KCNH7: variants seen among roughly 807,000 people sequenced by gnomAD.
The protein encoded by KCNH7 is potassium voltage-gated channel subfamily H member 7.
Under a neutral mutation model 120.8 loss-of-function variants are expected in KCNH7, and 49 were observed. That is an observed-to-expected ratio of 0.41 (90% CI 0.32 to 0.51). KCNH7 has a LOEUF of 0.51. Among genes scored for constraint, KCNH7 ranks in the 20% least tolerant of loss-of-function variants. KCNH7 has a pLI of 0.38. For missense variants in KCNH7, 1,097 were observed against 1,446.6 expected (o/e 0.76, Z 3.92); for synonymous variants, 547 against 516.1 (o/e 1.06, Z -0.81).
chr2:162,474,660 A>G (rs1318455071), intron 6 of KCNH7, among the ~76,000 whole-genome samples: 23 of 152,240 alleles, frequency 1.5e-4, no homozygotes, highest in Non-Finnish European at 1.5e-5. Flanking sequence ...GTGCACTCTC[A>G]TACTCTCTCT....
At chr2:162,486,114 A>G (rs7582047) in intron 6 of KCNH7, among the ~76,000 whole-genome samples, 11,458 of 152,238 alleles carry the variant, frequency 0.075, 1,394 homozygotes, top group African/African-American at 0.26. Context: ...TGGATGAGCA[A>G]GAGAAAAGAG....
rs189670006 is a variant in KCNH7, at chr2:162,526,217, T to C, written c.464-8059A>G. ...TAGGGTGTGGGTCACAGAGATCACA[T>C]GCTTCACAAGGTAATAAGATATCAC... On this transcript the variant is annotated intron_variant, in intron 3 of 15. Coordinates refer to ENST00000332142, the MANE Select transcript of KCNH7 (RefSeq NM_033272.4). Among the ~76,000 whole-genome samples the C allele has an allele frequency of 3.1e-4, 47 of 151,976 alleles. No individual in the cohort carries two copies. The East Asian group carries it at 6.1e-3, about 20-fold the overall frequency.
At chr2:162,773,270 T>A (rs978873485) in intron 2 of KCNH7, among the ~76,000 whole-genome samples, 23 of 152,072 alleles carry the variant, frequency 1.5e-4, no homozygotes, top group African/African-American at 5.1e-4. Context: ...GGCTGATAAC[T>A]TGAGGCCAAG....
Position 162,518,046 on chromosome 2 carries a change from A to T in KCNH7, c.576T>A (p.Asp192Glu), listed in dbSNP as rs755741131. ...TAAAATGCTTCATGGCTACTGAATCATCACTGTGTTTAGATGAATCGATGA... is the reference window on the plus strand; with the variant it reads ...TAAAATGCTTCATGGCTACTGAATCTTCACTGTGTTTAGATGAATCGATGA... ...VVVIDSSKHSDDSVAMKHFKS... is the reference protein window; with the variant it reads ...VVVIDSSKHSEDSVAMKHFKS... The change falls in exon 4 of 16, where the codon GAT becomes GAA. Residue 192 changes from aspartate (D) to glutamate (E), a missense_variant. Asp to Glu is a conservative substitution (Grantham distance 45). Around this residue, in one of 8 missense-constraint regions of KCNH7, gnomAD observed 362 missense variants for 372.2 expected, o/e 0.97. Transcript: ENST00000332142. The T allele has an allele frequency of 6.2e-7, 1 of 1,612,552 alleles. No homozygotes were observed. Among genetic ancestry groups the T allele is most frequent in the Non-Finnish European group, 8.5e-7 (1 of 1,178,962 alleles).
chr2:162,802,198 C>A (rs971644042), intron 2 of KCNH7, among the ~76,000 whole-genome samples: 6 of 151,528 alleles, frequency 4.0e-5, no homozygotes, highest in Non-Finnish European at 1.5e-5. Flanking sequence ...TTTAATAACT[C>A]TAGTTTCTTT....
At chr2:162,782,341 A>G (rs1310866659) in intron 2 of KCNH7, among the ~76,000 whole-genome samples, 1 of 152,236 alleles carries the variant, frequency 6.6e-6, no homozygotes, top group East Asian at 1.9e-4. Flanking sequence ...ACAGTTTTAA[A>G]TAAAATTGTC....
chr2:162,379,301 G>A (rs1686327029), intron 14 of KCNH7, among the ~76,000 whole-genome samples: 1 of 152,122 alleles, frequency 6.6e-6, no homozygotes, highest in South Asian at 2.1e-4. Flanking sequence ...CAGACTTAGG[G>A]GAAGGGATTA....
At chr2:162,627,324 G>T (rs543119122) in intron 2 of KCNH7, among the ~76,000 whole-genome samples, 1 of 152,224 alleles carries the variant, frequency 6.6e-6, no homozygotes, top group South Asian at 2.1e-4. Flanking sequence ...TGTGAAAATA[G>T]CATCTCTGAC....
chr2:162,825,623 A>T (rs545866579), intron 2 of KCNH7, among the ~76,000 whole-genome samples: 1 of 152,198 alleles, frequency 6.6e-6, no homozygotes, highest in African/African-American at 2.4e-5. Context: ...GGTTGAACAG[A>T]CTTTTGGTAC....
At chr2:162,417,981 G>C (rs1325351831) in intron 9 of KCNH7, among the ~76,000 whole-genome samples, 1 of 152,136 alleles carries the variant, frequency 6.6e-6, no homozygotes, top group South Asian at 2.1e-4. Context: ...AGCACCTGCT[G>C]TTCAGGGGCT....
chr2:162,775,111 T>C (rs1683186230), intron 2 of KCNH7, among the ~76,000 whole-genome samples: 2 of 152,094 alleles, frequency 1.3e-5, no homozygotes, highest in South Asian at 2.1e-4. Flanking sequence ...CATATAACCA[T>C]ATTGTTTGCT....
intron 7 of KCNH7, among the ~76,000 whole-genome samples, chr2:162,445,600 C>T (rs1273566970): frequency 1.3e-5 from 2 of 152,144 alleles, no homozygotes; most frequent in Non-Finnish European, 2.9e-5. Flanking sequence ...TAAGACATTT[C>T]GGAAGGTGCC....
At chr2:162,642,573 T>C (rs1684200203) in intron 2 of KCNH7, among the ~76,000 whole-genome samples, 1 of 152,162 alleles carries the variant, frequency 6.6e-6, no homozygotes, top group South Asian at 2.1e-4. Context: ...CTTGGAGAAA[T>C]GTATTGTTGT....
chr2:162,744,219 C>A (rs1332102439), intron 2 of KCNH7, among the ~76,000 whole-genome samples: 8 of 152,222 alleles, frequency 5.3e-5, no homozygotes, highest in Middle Eastern at 3.4e-3. Context: ...TTTAAAAGAC[C>A]ATAAGGGCCC....
At chr2:162,777,790 C>G (rs1302533836) in intron 2 of KCNH7, among the ~76,000 whole-genome samples, 1 of 151,982 alleles carries the variant, frequency 6.6e-6, no homozygotes, top group Non-Finnish European at 1.5e-5. Context: ...TCTGACTATG[C>G]CATAAGAAAG....
At chr2:162,757,588 G>T (rs1688829641) in intron 2 of KCNH7, among the ~76,000 whole-genome samples, 1 of 152,096 alleles carries the variant, frequency 6.6e-6, no homozygotes, top group African/African-American at 2.4e-5. Context: ...TGACCACAAA[G>T]ATATCTCAGT....
At chr2:162,676,282 T>G (rs888998707) in intron 2 of KCNH7, among the ~76,000 whole-genome samples, 1 of 151,552 alleles carries the variant, frequency 6.6e-6, no homozygotes. Context: ...TGTTAAGGTT[T>G]TAAAGATAAC....
chr2:162,447,334 T>C (rs1688614823), intron 6 of KCNH7, among the ~76,000 whole-genome samples: 1 of 152,118 alleles, frequency 6.6e-6, no homozygotes, highest in South Asian at 2.1e-4. Flanking sequence ...GATTTAGTGA[T>C]TTAAGACTAA....
intron 2 of KCNH7, among the ~76,000 whole-genome samples, chr2:162,777,725 C>T (rs1261849034): frequency 1.3e-5 from 2 of 152,110 alleles, no homozygotes; most frequent in African/African-American, 4.8e-5. Flanking sequence ...CACTTACCAA[C>T]AGCCTTATGG....
Sources: allele counts gnomAD v4.1 joint callset (sites outside exome capture counted in the v4.1 genomes callset), GRCh38; gene constraint gnomAD v4.1.1; regional missense constraint gnomAD v4.1.1; transcripts MANE v1.5; gene names NCBI Gene and HGNC (gene_info 2026-07-23, HGNC 2026-07-21).